ATP8A2: variants seen among roughly 807,000 people sequenced by gnomAD.
ATP8A2 encodes the protein ATPase phospholipid transporting 8A2, also known as phospholipid-transporting ATPase IB.
In ATP8A2, 100 loss-of-function variants were observed where a neutral mutation model predicts 165.6. The ratio of observed to expected loss-of-function variants is 0.60; its 90% CI spans 0.51 to 0.71. The LOEUF is 0.71. ATP8A2 is among the 30% of genes least tolerant of loss of function. The probability of loss-of-function intolerance (pLI) is 0.00; values close to 1 mark genes in which losing one functional copy is unlikely to be tolerated. For missense variants in ATP8A2, 1,227 were observed against 1,479.5 expected (o/e 0.83, Z 2.80); for synonymous variants, 543 against 548.8 (o/e 0.99, Z 0.15).
intron 33 of ATP8A2, among the ~76,000 whole-genome samples, chr13:25,901,837 T>TTACTCATTCTGACAACAGA (rs1163029850): frequency 6.6e-6 from 1 of 152,236 alleles, no homozygotes. Flanking sequence ...TGAATGATCA[T>TTACTCATTCTGACAACAGA]TACTCATTCT....
At chr13:25,840,016 G>C (rs1338045140) in intron 30 of ATP8A2, among the ~76,000 whole-genome samples, 1 of 152,136 alleles carries the variant, frequency 6.6e-6, no homozygotes, top group Non-Finnish European at 1.5e-5. Flanking sequence ...CCCATATGCA[G>C]AATAACTCAA....
chr13:25,422,283 C>G (rs1471280136), intron 1 of ATP8A2, among the ~76,000 whole-genome samples: 1 of 152,120 alleles, frequency 6.6e-6, no homozygotes, highest in South Asian at 2.1e-4. Flanking sequence ...TTGGCACAAG[C>G]ATTTGCTTAA....
intron 33 of ATP8A2, among the ~76,000 whole-genome samples, chr13:25,910,512 C>T (rs918317429): frequency 6.6e-6 from 1 of 152,164 alleles, no homozygotes; most frequent in African/African-American, 2.4e-5. Context: ...GTTACCTTAT[C>T]AGCTGTGTGT....
At chr13:26,008,821 G>A (rs1181100279) in intron 35 of ATP8A2, among the ~76,000 whole-genome samples, 1 of 152,180 alleles carries the variant, frequency 6.6e-6, no homozygotes, top group African/African-American at 2.4e-5. Context: ...TTGCATTATT[G>A]AAGAAGGGGG....
At chr13:25,784,775 C>A (rs1283791168) in intron 27 of ATP8A2, among the ~76,000 whole-genome samples, 1 of 150,350 alleles carries the variant, frequency 6.7e-6, no homozygotes, top group Non-Finnish European at 1.5e-5. Context: ...CTTTTTTTTT[C>A]TTTTGTTTGA....
At chr13:25,745,292 C>T (rs1285612278) in intron 25 of ATP8A2, among the ~76,000 whole-genome samples, 1 of 152,116 alleles carries the variant, frequency 6.6e-6, no homozygotes, top group Non-Finnish European at 1.5e-5. Context: ...CTGGGATGCT[C>T]ATGGCATAGA....
In ATP8A2 at chr13:25,788,311, C is replaced by T. The variant is rs78396100; in HGVS notation, c.2679+13352C>T. ...TGCAGTATTTTAAGGTATTTAACAT[C>T]GATAGACCATACAATTATGGCATTG... is the stretch of plus-strand genomic sequence containing the variant. On this transcript the variant is annotated intron_variant, in intron 27 of 36. Transcript: ENST00000381655. Among the ~76,000 whole-genome samples the T allele has an allele frequency of 8.5e-3, 1,295 of 152,324 alleles. 6 individuals carry two copies. Among genetic ancestry groups the T allele is most frequent in the Non-Finnish European group, 0.01 (714 of 68,036 alleles).
chr13:25,955,079 A>G lies in ATP8A2; in HGVS notation c.3184-6496A>G, dbSNP rs143294738. On this transcript the variant is annotated intron_variant, in intron 33 of 36. Transcript: ENST00000381655. ...AGCTAAAGGAGCATGTTCTAATCCA[A>G]TGCAAGGAAGCTAAGAACCTTGAAA... 2.4e-3 allele frequency among the ~76,000 whole-genome samples: 359 copies of G among 152,336 alleles called. 1 individual carries two copies. The highest frequency in any genetic ancestry group is 4.2e-3 in the Non-Finnish European group (283 of 68,038).
chr13:25,832,281 G>A (rs1951498556), intron 28 of ATP8A2, among the ~76,000 whole-genome samples: 3 of 152,146 alleles, frequency 2.0e-5, no homozygotes, highest in Admixed American at 2.0e-4. Context: ...TACCACGAAG[G>A]ACCAATGCTG....
Position 25,406,215 on chromosome 13 carries a change from G to A in ATP8A2, c.76+33927G>A, listed in dbSNP as rs573007060. ...ACAGGGACTTACGAACAGGAGCCAT[G>A]CCTCTGTTTCAGGTGGCAGAGAGAT... is the stretch of plus-strand genomic sequence containing the variant. On this transcript the variant is annotated intron_variant, in intron 1 of 36. Coordinates refer to ENST00000381655, the MANE Select transcript of ATP8A2 (RefSeq NM_016529.6). Among the ~76,000 whole-genome samples, 4 of 152,332 alleles carry A rather than the reference G, an allele frequency of 2.6e-5. No individual in the cohort carries two copies. In the South Asian group the frequency reaches 8.3e-4, roughly 32 times the overall value.
Position 25,468,994 on chromosome 13 carries a change from T to C in ATP8A2, c.94T>C (p.Leu32=), listed in dbSNP as rs1367252693. 1.9e-6 allele frequency: 3 copies of C among 1,613,844 alleles called. No homozygotes were observed. Among genetic ancestry groups the C allele is most frequent in the Non-Finnish European group, 2.5e-6 (3 of 1,179,882 alleles). ...RSSVGPVRSS[L]GYKKAEDEMS... ...CTCTGCAGGACCTGTTCGTTCTTCT[T>C]TGGGCTATAAGAAGGCAGAGGATGA... The change falls in exon 2 of 37, where the codon TTG becomes CTG. Residue 32 remains leucine, a synonymous_variant. Transcript: ENST00000381655.
intron 33 of ATP8A2, among the ~76,000 whole-genome samples, chr13:25,921,492 G>A (rs1020700144): frequency 1.5e-4 from 22 of 151,476 alleles, no homozygotes; most frequent in Middle Eastern, 3.2e-3. Context: ...GTGTGGTGGC[G>A]GGCACCTGTA....
At chr13:25,672,216 T>C (rs1379414942) in intron 24 of ATP8A2, among the ~76,000 whole-genome samples, 9 of 152,192 alleles carry the variant, frequency 5.9e-5, no homozygotes, top group South Asian at 2.1e-4. Flanking sequence ...ATATATACTT[T>C]TGTCTTATTT....
At chr13:25,374,931 T>G (rs2032563696) in intron 1 of ATP8A2, among the ~76,000 whole-genome samples, 1 of 152,228 alleles carries the variant, frequency 6.6e-6, no homozygotes. Context: ...ACAGTCAGCT[T>G]CAAGAGTATA....
chr13:25,492,126 G>T (rs1033844178), intron 2 of ATP8A2, among the ~76,000 whole-genome samples: 2 of 151,950 alleles, frequency 1.3e-5, no homozygotes, highest in African/African-American at 4.8e-5. Flanking sequence ...TTGTGATTTC[G>T]GCTCACTGCA....
Position 25,543,357 on chromosome 13 carries a change from C to T in ATP8A2, c.846C>T (p.Val282=). ...RGTQLRNTQW[V]FGIVVYTGHD... ...CACAGCTTAGAAATACTCAGTGGGT[C>T]TTTGGCATAGTTGTTTATACTGGAC... The change falls in exon 10 of 37, where the codon GTC becomes GTT. Residue 282 remains valine, a synonymous_variant. Transcript: ENST00000381655. 6.2e-7 allele frequency: 1 copy of T among 1,613,262 alleles called. No individual in the cohort carries two copies. Among genetic ancestry groups the T allele is most frequent in the East Asian group, 2.2e-5 (1 of 44,844 alleles).
rs117741504 is a variant in ATP8A2, at chr13:25,998,629, G to A, written c.3378-13902G>A. Among the ~76,000 whole-genome samples the A allele has an allele frequency of 3.1e-4, 47 of 152,306 alleles. 1 individual carries two copies. The East Asian group carries it at 9.1e-3, about 29-fold the overall frequency. The stretch of plus-strand genomic sequence containing the variant: ...TACTGGGAAAACCTTGTCTGGGACA[G>A]AGGAAATCAAGCACTGTGCTGCTAC... On this transcript the variant is annotated intron_variant, in intron 35 of 36. Coordinates refer to ENST00000381655, the MANE Select transcript of ATP8A2 (RefSeq NM_016529.6).
chr13:25,652,506 G>A (rs75124533), intron 24 of ATP8A2, among the ~76,000 whole-genome samples: 5,264 of 152,056 alleles, frequency 0.035, 156 homozygotes, highest in East Asian at 0.13. Context: ...TTTTTAAAAC[G>A]TATCTCATCT....
chr13:25,920,923 A>G (rs1387377611), intron 33 of ATP8A2, among the ~76,000 whole-genome samples: 1 of 152,102 alleles, frequency 6.6e-6, no homozygotes, highest in Non-Finnish European at 1.5e-5. Context: ...CAAAAAAATT[A>G]GCCAGGTGTG....
Sources: gnomAD v4.1 joint callset for allele counts (sites outside exome capture counted in the v4.1 genomes callset) on GRCh38, gnomAD v4.1.1 for gene constraint, MANE v1.5 for transcripts, NCBI Gene and HGNC (gene_info 2026-07-23, HGNC 2026-07-21) for gene names.